The following CENPT variants were observed in gnomAD, a reference collection of about 807,000 sequenced individuals.
CENPT encodes centromere protein T.
A neutral mutation model predicts 59.7 loss-of-function variants in CENPT; 42 were observed. The observed-to-expected ratio is 0.70, with a 90% CI of 0.55 to 0.91. CENPT has a LOEUF of 0.91. Ranked by LOEUF, CENPT falls within the 40% of genes least tolerant of loss-of-function variation. CENPT has a pLI of 0.00. For synonymous variants in CENPT, 295 were observed against 289.6 expected, an observed-to-expected ratio of 1.02 and a Z score of -0.19; for missense variants, 716 against 713.4, an observed-to-expected ratio of 1.00 and a Z score of -0.04.
Position 67,842,794 on chromosome 16 carries a change from C to T in CENPT, c.-492+4607G>A, listed in dbSNP as rs188675529. ...ACACGGTACGCGTCCCCACCATCTT[C>T]CCGCTGCGCGGCGTCAATGAGCGCA... is the stretch of plus-strand genomic sequence containing the variant. On this transcript the variant is annotated intron_variant, in intron 1 of 15. Coordinates refer to ENST00000562787, the MANE Select transcript of CENPT (RefSeq NM_025082.4). This position sits in a 1 kb window ranked among gnomAD's most constrained non-coding sequence, Gnocchi z 4.9. 5.9e-4 allele frequency: 948 copies of T among 1,611,282 alleles called. 11 individuals are homozygous for T. The East Asian group carries it at 0.019, about 32-fold the overall frequency.
In CENPT at chr16:67,843,000, T is replaced by C. The variant is rs769983436; in HGVS notation, c.-492+4401A>G. 6.2e-6 allele frequency: 10 copies of C among 1,612,434 alleles called. No homozygotes were observed. In the South Asian group the frequency reaches 1.1e-4, roughly 18 times the overall value. On this transcript the variant is annotated intron_variant, in intron 1 of 15. Coordinates refer to ENST00000562787, the MANE Select transcript of CENPT (RefSeq NM_025082.4). The surrounding 1 kb of genome is among the most constrained non-coding windows in gnomAD (Gnocchi z 4.9). Reference sequence around the variant, plus strand: ...CAGACTGCCCAGCTGCAGCCGAACCTGGTATCTGCTTCCGCGGCCGTGCTT... The same window carrying C: ...CAGACTGCCCAGCTGCAGCCGAACCCGGTATCTGCTTCCGCGGCCGTGCTT...
At chr16:67,829,589 A>G in intron 12 of CENPT, 73 bp from the exon 13 acceptor site, 1 of 1,435,094 alleles carries the variant, frequency 7.0e-7, no homozygotes. Context: ...CAGCCACAGT[A>G]TTTCTGTCCT....
intron 1 of CENPT, among the ~76,000 whole-genome samples, chr16:67,846,330 C>T (rs2057797964): frequency 6.6e-6 from 1 of 152,274 alleles, no homozygotes; most frequent in Non-Finnish European, 1.5e-5. Context: ...CCAAGCCCCA[C>T]CTGAGGGACA....
At position 67,836,800 on chromosome 16, in the gene CENPT, C is replaced by T. The variant is rs145212436; in HGVS notation, c.-491-1142G>A. 9.6e-3 allele frequency among the ~76,000 whole-genome samples: 1,452 copies of T among 150,826 alleles called. 10 individuals carry two copies. The highest frequency in any genetic ancestry group is 0.024 in the African/African-American group (964 of 41,006). The stretch of plus-strand genomic sequence containing the variant: ...GTTGGTCAGGCTGGTCTTGAACTCC[C>T]GACCTCAGGTGATCCGCCTGCCTCA... On this transcript the variant is annotated intron_variant, in intron 1 of 15. Coordinates refer to ENST00000562787, the MANE Select transcript of CENPT (RefSeq NM_025082.4).
intron 4 of CENPT, 58 bp from the exon 5 acceptor site, chr16:67,832,603 G>A (rs2057704256): frequency 6.8e-7 from 1 of 1,474,802 alleles, no homozygotes. Context: ...AGAGAATATA[G>A]AGACATGCCT....
chr16:67,830,836 C>T, intron 10 of CENPT: 1 of 521,794 alleles, frequency 1.9e-6, no homozygotes. Flanking sequence ...CTCTTCGCTG[C>T]TTGTTCTGCT....
intron 1 of CENPT, among the ~76,000 whole-genome samples, chr16:67,839,023 G>A (rs1411964011): frequency 4.6e-5 from 7 of 152,088 alleles, no homozygotes; most frequent in Non-Finnish European, 7.4e-5. Context: ...GGCCAAGGTG[G>A]CCGGATCACC....
In CENPT at chr16:67,829,839, T is replaced by TC; in HGVS notation, c.1111dup (p.Glu371GlyfsTer8). ...AGCCTCAGCAGTCCCCTGGGATCCCTCTGCTTCTGTCACCTCTGTGTGTCC... is the reference window on the plus strand; with the variant it reads ...AGCCTCAGCAGTCCCCTGGGATCCCTCCTGCTTCTGTCACCTCTGTGTGTCC... On this transcript the variant is annotated frameshift_variant, in exon 12 of 16. Transcript: ENST00000562787. LOFTEE classifies it high-confidence loss of function. 6.2e-7 allele frequency: 1 copy of TC among 1,614,256 alleles called. No homozygotes were observed. Among genetic ancestry groups the TC allele is most frequent in the Non-Finnish European group, 8.5e-7 (1 of 1,180,036 alleles).
chr16:67,832,361 A>G (rs2057701269), intron 5 of CENPT, 46 bp from the exon 6 acceptor site: 4 of 1,606,576 alleles, frequency 2.5e-6, no homozygotes, highest in Non-Finnish European at 3.4e-6. Context: ...CTGCCTTGAG[A>G]TTTCCTCAAG....
Position 67,832,195 on chromosome 16 carries a change from C to G in CENPT, c.289+33G>C, listed in dbSNP as rs201356704. On this transcript the variant is annotated intron_variant, in intron 6 of 15. Coordinates refer to ENST00000562787, the MANE Select transcript of CENPT (RefSeq NM_025082.4). ...CACAAGACTGGGGTTGGACTGGTAC[C>G]TAACTCTGACCGGCAGGCCAGCGCT... The G allele has an allele frequency of 7.2e-4, 1,167 of 1,612,628 alleles. 13 individuals carry two copies. The South Asian group carries it at 7.6e-3, about 11-fold the overall frequency.
In CENPT at chr16:67,842,303, T is replaced by G. The variant is rs1464004550; in HGVS notation, c.-492+5098A>C. 5.9e-6 allele frequency: 1 copy of G among 168,224 alleles called. No homozygotes were observed. The highest frequency in any genetic ancestry group is 1.7e-4 in the East Asian group (1 of 5,758). The allele number at this position is 168,224 out of a possible 1,614,324, so 10.4% of individuals were successfully genotyped here. On this transcript the variant is annotated intron_variant, in intron 1 of 15. Coordinates refer to ENST00000562787, the MANE Select transcript of CENPT (RefSeq NM_025082.4). This position sits in a 1 kb window ranked among gnomAD's most constrained non-coding sequence, Gnocchi z 4.9. Reference sequence around the variant, plus strand: ...GGGGCGTAGTCTCTTTCTCAGGCGGTCCTTCGCGGCGTCCCCGGGGCCCAC... The same window carrying G: ...GGGGCGTAGTCTCTTTCTCAGGCGGGCCTTCGCGGCGTCCCCGGGGCCCAC...
chr16:67,833,284 G>A (rs1049915701), intron 4 of CENPT, among the ~76,000 whole-genome samples: 8 of 152,244 alleles, frequency 5.3e-5, no homozygotes, highest in South Asian at 2.1e-4. Context: ...TACAAGGACA[G>A]TAAGACAATG....
chr16:67,844,795 T>G (rs919746897), intron 1 of CENPT, among the ~76,000 whole-genome samples: 1 of 151,314 alleles, frequency 6.6e-6, no homozygotes, highest in Non-Finnish European at 1.5e-5. Context: ...TTTTTTTTTT[T>G]ATTTTTTTTT....
chr16:67,843,020 G>C lies in CENPT; in HGVS notation c.-492+4381C>G. The C allele has an allele frequency of 6.2e-7, 1 of 1,612,564 alleles. No individual in the cohort carries two copies. Among genetic ancestry groups the C allele is most frequent in the Non-Finnish European group, 8.5e-7 (1 of 1,180,026 alleles). The stretch of plus-strand genomic sequence containing the variant: ...GAACCTGGTATCTGCTTCCGCGGCC[G>C]TGCTTCTCACCCTTCAGGCCACTGT... On this transcript the variant is annotated intron_variant, in intron 1 of 15. Coordinates refer to ENST00000562787, the MANE Select transcript of CENPT (RefSeq NM_025082.4). The surrounding 1 kb of genome is among the most constrained non-coding windows in gnomAD (Gnocchi z 5.7).
chr16:67,843,231 GC>G lies in CENPT; in HGVS notation c.-492+4169del. On this transcript the variant is annotated intron_variant, in intron 1 of 15. Transcript: ENST00000562787. This position sits in a 1 kb window ranked among gnomAD's most constrained non-coding sequence, Gnocchi z 5.7. Reference sequence around the variant, plus strand: ...CTGGAGGCTGCCGAGTGCCCTATGGGCCCCCAGTTGGTGGTGGTAGGGGAAG... The same window carrying G: ...CTGGAGGCTGCCGAGTGCCCTATGGGCCCCAGTTGGTGGTGGTAGGGGAAG... 1 of 1,611,934 alleles carries G rather than the reference GC, an allele frequency of 6.2e-7. No homozygotes were observed.
At position 67,830,388 on chromosome 16, in the gene CENPT, A is replaced by T; in HGVS notation, c.862+2T>A. ...TCCAGGCCACCAGTGCCACACACTCACTATTCTTCTGCAGCCCAGGCCCAC... is the reference window on the plus strand; with the variant it reads ...TCCAGGCCACCAGTGCCACACACTCTCTATTCTTCTGCAGCCCAGGCCCAC... On this transcript the variant is annotated splice_donor_variant, in intron 11 of 15. Transcript: ENST00000562787. LOFTEE classifies it high-confidence loss of function. 6.2e-7 allele frequency: 1 copy of T among 1,603,128 alleles called. No individual in the cohort carries two copies. Among genetic ancestry groups the T allele is most frequent in the South Asian group, 1.1e-5 (1 of 89,718 alleles).
chr16:67,831,979 T>A (rs758117492), intron 7 of CENPT, 33 bp downstream of exon 7: 1 of 1,591,270 alleles, frequency 6.3e-7, no homozygotes, highest in Non-Finnish European at 8.6e-7. Flanking sequence ...AAGCTGCCCA[T>A]AGCACAATCC....
chr16:67,847,091 C>T (rs899658210), intron 1 of CENPT: 2 of 149,684 alleles, frequency 1.3e-5, no homozygotes, highest in African/African-American at 4.9e-5. Flanking sequence ...CCTCCCCTCC[C>T]CCCCCCCCGG....
rs780043405 is a variant in CENPT, at chr16:67,831,787, G to T, written c.490C>A (p.Gln164Lys). ...AGAGACAGCCCCTGGTCCACTCCCT[G>T]CTGAAACACTGACAGTCTCAGCCTC... ...KQRLRLSVFQ[Q>K]GVDQGLSLSQ... is the part of the protein sequence containing the mutation. Residue 164 changes from glutamine to lysine, a missense_variant, in exon 8 of 16, where the codon CAG becomes AAG. Gln to Lys is a moderately conservative substitution (Grantham distance 53). Coordinates refer to ENST00000562787, the MANE Select transcript of CENPT (RefSeq NM_025082.4). 17 of 1,589,702 alleles carry T rather than the reference G, an allele frequency of 1.1e-5. No homozygotes were observed. The highest frequency in any genetic ancestry group is 1.5e-5 in the Non-Finnish European group (17 of 1,168,998).
Sources: allele counts gnomAD v4.1 joint callset (sites outside exome capture counted in the v4.1 genomes callset), GRCh38; gene constraint gnomAD v4.1.1; non-coding constraint Gnocchi (gnomAD v3.1); transcripts MANE v1.5; gene names NCBI Gene and HGNC (gene_info 2026-07-23, HGNC 2026-07-21).